DLGAP2: variants seen among roughly 807,000 people sequenced by gnomAD.
DLGAP2 encodes DLG associated protein 2.
Under a neutral mutation model 100.3 loss-of-function variants are expected in DLGAP2, and 26 were observed. The ratio of observed to expected loss-of-function variants is 0.26; its 90% CI spans 0.19 to 0.36. DLGAP2 has a LOEUF of 0.36. DLGAP2 is among the 10% of genes least tolerant of loss of function. The probability of loss-of-function intolerance (pLI) is 1.00; values close to 1 mark genes in which losing one functional copy is unlikely to be tolerated. For synonymous variants in DLGAP2, 886 were observed against 630.1 expected, an observed-to-expected ratio of 1.41 and a Z score of -6.08; for missense variants, 1,858 against 1,453.2, an observed-to-expected ratio of 1.28 and a Z score of -4.53.
At position 1,419,984 on chromosome 8, in the gene DLGAP2, C is replaced by T. The variant is rs146114467; in HGVS notation, c.107-81382C>T. 1.0e-3 allele frequency among the ~76,000 whole-genome samples: 158 copies of T among 152,324 alleles called. No homozygotes were observed. The East Asian group carries it at 0.016, about 16-fold the overall frequency. ...TGGGGTAGGTAGACACAGTGGACTA[C>T]AGTTCAGCTGTAAAAAGAATGAAAT... On this transcript the variant is annotated intron_variant, in intron 3 of 14. Transcript: ENST00000637795.
chr8:1,165,374 C>T (rs934797750), intron 2 of DLGAP2, among the ~76,000 whole-genome samples: 2 of 152,196 alleles, frequency 1.3e-5, no homozygotes, highest in Admixed American at 1.3e-4. Flanking sequence ...GGCTACCAAG[C>T]GCTGGCACAG....
intron 3 of DLGAP2, among the ~76,000 whole-genome samples, chr8:1,330,399 T>TG (rs1446876481): frequency 1.1e-4 from 13 of 118,966 alleles, no homozygotes; most frequent in South Asian, 5.6e-4. Context: ...TCACAGGGAC[T>TG]AGTTCTGGGT....
chr8:1,494,393 C>G (rs528157429), intron 3 of DLGAP2, among the ~76,000 whole-genome samples: 14 of 152,180 alleles, frequency 9.2e-5, no homozygotes, highest in African/African-American at 1.7e-4. Flanking sequence ...CCTCTTTCTT[C>G]CCAAACCTTG....
At chr8:1,064,531 T>A (rs1211667632) in intron 2 of DLGAP2, among the ~76,000 whole-genome samples, 1 of 152,244 alleles carries the variant, frequency 6.6e-6, no homozygotes, top group African/African-American at 2.4e-5. Flanking sequence ...TTAACTGGCA[T>A]TGATAACCTC....
At chr8:955,330 G>C (rs1384900836) in intron 2 of DLGAP2, among the ~76,000 whole-genome samples, 1 of 152,052 alleles carries the variant, frequency 6.6e-6, no homozygotes, top group African/African-American at 2.4e-5. Flanking sequence ...AGCTTTCCAA[G>C]TGCCCAGCGA....
intron 2 of DLGAP2, among the ~76,000 whole-genome samples, chr8:1,108,394 G>A (rs748660086): frequency 6.6e-6 from 1 of 152,234 alleles, no homozygotes; most frequent in Non-Finnish European, 1.5e-5. Flanking sequence ...ACGTTGCAGG[G>A]CGGCCTGTGA....
At position 1,668,405 on chromosome 8, in the gene DLGAP2, G is replaced by A. The variant is rs1167844556; in HGVS notation, c.1887G>A (p.Val629=). ...CCACCTCCAAGCCTCTGATCTCGGT[G>A]ACGGCGCAGAGCAGCACCGAATCCA... ...PRTTSKPLIS[V]TAQSSTESTQ... The change falls in exon 9 of 15, where the codon GTG becomes GTA. Residue 629 remains valine, a synonymous_variant. Coordinates refer to ENST00000637795, the MANE Select transcript of DLGAP2 (RefSeq NM_001346810.2). The A allele has an allele frequency of 1.9e-6, 3 of 1,603,830 alleles. No individual in the cohort carries two copies. The highest frequency in any genetic ancestry group is 2.2e-5 in the South Asian group (2 of 89,112).
At chr8:1,477,063 G>A (rs1405917670) in intron 3 of DLGAP2, among the ~76,000 whole-genome samples, 1 of 152,204 alleles carries the variant, frequency 6.6e-6, no homozygotes, top group Non-Finnish European at 1.5e-5. Flanking sequence ...AGCCTCCACC[G>A]CAGACACAAT....
intron 2 of DLGAP2, among the ~76,000 whole-genome samples, chr8:931,743 G>A (rs1011104186): frequency 6.6e-6 from 1 of 152,210 alleles, no homozygotes; most frequent in East Asian, 1.9e-4. Context: ...ACAGTGGTGG[G>A]CGTTGGCACA....
At chr8:1,689,659 ATCATC>A (rs1293233715) in intron 12 of DLGAP2, among the ~76,000 whole-genome samples, 1 of 152,126 alleles carries the variant, frequency 6.6e-6, no homozygotes, top group Non-Finnish European at 1.5e-5. Context: ...AGCAGGTGGA[ATCATC>A]AGCTTGGCCA....
At chr8:1,578,075 G>T (rs1441855218) in intron 6 of DLGAP2, among the ~76,000 whole-genome samples, 1 of 152,226 alleles carries the variant, frequency 6.6e-6, no homozygotes, top group Admixed American at 6.5e-5. Flanking sequence ...ATTTTAAACA[G>T]AATTGAAAGT....
At chr8:1,376,379 A>C (rs1459357279) in intron 3 of DLGAP2, among the ~76,000 whole-genome samples, 1 of 152,256 alleles carries the variant, frequency 6.6e-6, no homozygotes, top group Non-Finnish European at 1.5e-5. Context: ...GGGGGCCTGC[A>C]GAGAGAGGAG....
At chr8:1,163,460 A>T (rs1796932370) in intron 2 of DLGAP2, among the ~76,000 whole-genome samples, 1 of 152,246 alleles carries the variant, frequency 6.6e-6, no homozygotes, top group Non-Finnish European at 1.5e-5. Flanking sequence ...CCCTGCAGGA[A>T]GCAAACTCTG....
At chr8:1,590,076 T>C (rs1780899202) in intron 6 of DLGAP2, among the ~76,000 whole-genome samples, 1 of 152,210 alleles carries the variant, frequency 6.6e-6, no homozygotes, top group Non-Finnish European at 1.5e-5. Flanking sequence ...TCCGTGGCTG[T>C]GGGTGCATCA....
chr8:1,146,552 A>G (rs1217745092), intron 2 of DLGAP2, among the ~76,000 whole-genome samples: 2 of 151,116 alleles, frequency 1.3e-5, no homozygotes, highest in African/African-American at 2.4e-5. Flanking sequence ...TATCTCTGGA[A>G]CTGTGTGTGT....
intron 3 of DLGAP2, among the ~76,000 whole-genome samples, chr8:1,462,554 C>T (rs1036421783): frequency 2.0e-5 from 3 of 147,942 alleles, no homozygotes; most frequent in Non-Finnish European, 4.5e-5. Context: ...GGGAGAAGGG[C>T]GGTGTTCAGG....
intron 6 of DLGAP2, among the ~76,000 whole-genome samples, chr8:1,576,190 G>C (rs1433562742): frequency 6.6e-6 from 1 of 152,164 alleles, no homozygotes; most frequent in Non-Finnish European, 1.5e-5. Flanking sequence ...TCTCATTGTG[G>C]TTTTGATTTG....
chr8:1,471,464 G>C (rs1307813640), intron 3 of DLGAP2, among the ~76,000 whole-genome samples: 1 of 151,562 alleles, frequency 6.6e-6, no homozygotes, highest in Non-Finnish European at 1.5e-5. Context: ...GACATCCCCA[G>C]CCTCCTCACC....
intron 2 of DLGAP2, among the ~76,000 whole-genome samples, chr8:946,157 C>T (rs936860797): frequency 1.3e-5 from 2 of 152,024 alleles, no homozygotes; most frequent in Non-Finnish European, 2.9e-5. Context: ...TTAGCGTGAC[C>T]CCCTGACTCC....
Sources: allele counts gnomAD v4.1 joint callset (sites outside exome capture counted in the v4.1 genomes callset), GRCh38; gene constraint gnomAD v4.1.1; transcripts MANE v1.5; gene names NCBI Gene and HGNC (gene_info 2026-07-23, HGNC 2026-07-21).